Variants in ADORA2B observed in about 807,000 individuals in gnomAD.
ADORA2B encodes adenosine A2b receptor.
A neutral mutation model predicts 20.8 loss-of-function variants in ADORA2B; 18 were observed. The ratio of observed to expected loss-of-function variants is 0.87; its 90% confidence interval spans 0.60 to 1.29. The LOEUF (loss-of-function observed/expected upper bound fraction) is 1.29, where lower values mean the gene tolerates loss of function less well. Ranked by LOEUF, ADORA2B falls within the 50% of genes most tolerant of loss-of-function variation. The probability of loss-of-function intolerance (pLI) is 0.00; values close to 1 mark genes in which losing one functional copy is unlikely to be tolerated. For missense variants in ADORA2B, 441 were observed against 422.7 expected (o/e 1.04, Z -0.38); for synonymous variants, 179 against 178.3 (o/e 1.00, Z -0.03).
Position 15,948,717 on chromosome 17 carries a change from G to A in ADORA2B, c.335+3134G>A, listed in dbSNP as rs117360362. Reference sequence around the variant, plus strand: ...TGGATCCGGGAGGGTTTAGTTGGCCGAATGGGTCCAGTGCCGTGTATCTGA... The same window carrying A: ...TGGATCCGGGAGGGTTTAGTTGGCCAAATGGGTCCAGTGCCGTGTATCTGA... On this transcript the variant is annotated intron_variant, in intron 1 of 1. Transcript: ENST00000304222. Among the ~76,000 whole-genome samples, 1,465 of 152,210 alleles carry A rather than the reference G, an allele frequency of 9.6e-3. 14 individuals carry two copies. The highest frequency in any genetic ancestry group is 0.017 in the Middle Eastern group (5 of 294).
the ADORA2B span, among the ~76,000 whole-genome samples, chr17:15,879,631 G>A: frequency 2.0e-5 from 3 of 148,628 alleles, no homozygotes; most frequent in Non-Finnish European, 3.0e-5. Context: ...TCCGCCTCCT[G>A]GGTTCACGCC....
At chr17:15,967,325 T>C (rs1012267748) in intron 1 of ADORA2B, among the ~76,000 whole-genome samples, 3 of 151,850 alleles carry the variant, frequency 2.0e-5, no homozygotes, top group African/African-American at 7.3e-5. Flanking sequence ...CCCCGCCTCC[T>C]GGGTTCAAGT....
chr17:15,925,135 A>T, the ADORA2B span, among the ~76,000 whole-genome samples: 1 of 152,184 alleles, frequency 6.6e-6, no homozygotes, highest in Non-Finnish European at 1.5e-5. Flanking sequence ...TCCCGGGTTC[A>T]GGTGATTCTC....
chr17:15,897,304 A>G, the ADORA2B span, among the ~76,000 whole-genome samples: 2 of 152,214 alleles, frequency 1.3e-5, no homozygotes, highest in Admixed American at 6.5e-5. Flanking sequence ...GTGGTGGCTC[A>G]CACCTGTAAT....
At chr17:15,909,623 G>T in the ADORA2B span, among the ~76,000 whole-genome samples, 2 of 152,278 alleles carry the variant, frequency 1.3e-5, no homozygotes, top group South Asian at 4.2e-4. Flanking sequence ...ACACAGGCTT[G>T]TCCTCCACAG....
intron 1 of ADORA2B, among the ~76,000 whole-genome samples, chr17:15,962,837 C>A (rs1970058020): frequency 6.6e-6 from 1 of 152,174 alleles, no homozygotes; most frequent in South Asian, 2.1e-4. Flanking sequence ...TATTTTGATG[C>A]CCAAATTCAG....
chr17:15,942,127 G>A (rs905375130), upstream of ADORA2B, among the ~76,000 whole-genome samples: 15 of 152,114 alleles, frequency 9.9e-5, no homozygotes, highest in East Asian at 7.7e-4. Context: ...GGGTGCTATC[G>A]TTTGGAAATC....
the ADORA2B span, among the ~76,000 whole-genome samples, chr17:15,876,054 A>T: frequency 2.0e-5 from 3 of 151,958 alleles, no homozygotes; most frequent in Admixed American, 6.5e-5. Context: ...ATTCCCTGTT[A>T]GTTCTTTGCC....
chr17:15,875,253 G>A, the ADORA2B span, among the ~76,000 whole-genome samples: 2 of 151,296 alleles, frequency 1.3e-5, no homozygotes, highest in Admixed American at 6.6e-5. Flanking sequence ...CCATAGTCAA[G>A]CGTTTTCAAG....
At chr17:15,898,276 C>T in the ADORA2B span, among the ~76,000 whole-genome samples, 1 of 151,866 alleles carries the variant, frequency 6.6e-6, no homozygotes, top group Non-Finnish European at 1.5e-5. Flanking sequence ...GTAATATTTG[C>T]TTTTTATTTT....
intron 1 of ADORA2B, among the ~76,000 whole-genome samples, chr17:15,953,005 C>T (rs2151596436): frequency 6.6e-6 from 1 of 152,342 alleles, no homozygotes; most frequent in Middle Eastern, 3.4e-3. Flanking sequence ...CTGTCCCAGG[C>T]ACGGGCGGGC....
At position 15,972,359 on chromosome 17, in the gene ADORA2B, C is replaced by T. The variant is rs150731355; in HGVS notation, c.336-2320C>T. On this transcript the variant is annotated intron_variant, in intron 1 of 1. Transcript: ENST00000304222. ...CAGGTAATGTCAATCAAATTATTTC[C>T]CAGTTTTCTCTTCCAGAGATTACAG... 5.1e-3 allele frequency among the ~76,000 whole-genome samples: 773 copies of T among 152,244 alleles called. 9 individuals carry two copies. Among genetic ancestry groups the T allele is most frequent in the African/African-American group, 0.018 (727 of 41,534 alleles).
chr17:15,862,696 A>T, the ADORA2B span, among the ~76,000 whole-genome samples: 14 of 152,098 alleles, frequency 9.2e-5, no homozygotes, highest in African/African-American at 3.1e-4. Flanking sequence ...TGTGCAACAC[A>T]CATAACATTT....
At chr17:15,921,273 C>A in the ADORA2B span, among the ~76,000 whole-genome samples, 1 of 152,224 alleles carries the variant, frequency 6.6e-6, no homozygotes, top group Non-Finnish European at 1.5e-5. Flanking sequence ...AAGCAACAGG[C>A]GGCTTTTACT....
chr17:15,968,964 C>G (rs1326757569), intron 1 of ADORA2B, among the ~76,000 whole-genome samples: 1 of 152,176 alleles, frequency 6.6e-6, no homozygotes, highest in East Asian at 1.9e-4. Flanking sequence ...CAGCTGATAA[C>G]TTTCTCCATC....
chr17:15,966,620 T>C (rs528065352), intron 1 of ADORA2B, among the ~76,000 whole-genome samples: 1 of 152,348 alleles, frequency 6.6e-6, no homozygotes, highest in South Asian at 2.1e-4. Flanking sequence ...ATTCCCTCCG[T>C]GTGACTGTTT....
intron 1 of ADORA2B, among the ~76,000 whole-genome samples, chr17:15,951,852 G>T (rs947470854): frequency 3.9e-5 from 6 of 152,204 alleles, no homozygotes; most frequent in Admixed American, 2.0e-4. Flanking sequence ...AGGAGGCCGG[G>T]AAGGAGGGCC....
chr17:15,963,309 A>T (rs1445162804), intron 1 of ADORA2B, among the ~76,000 whole-genome samples: 2 of 152,336 alleles, frequency 1.3e-5, no homozygotes, highest in African/African-American at 4.8e-5. Flanking sequence ...GTCCCCAAAC[A>T]CGTACCACAA....
rs1214809284 is a variant in ADORA2B, at chr17:15,975,440, G to A, written c.*98G>A. On this transcript the variant is annotated 3_prime_UTR_variant, in exon 2 of 2. Coordinates refer to ENST00000304222, the MANE Select transcript of ADORA2B (RefSeq NM_000676.4). The stretch of plus-strand genomic sequence containing the variant: ...GTGAAAGATAGCTACACCTCACAAG[G>A]AAATGGACTGCCTCTCTTGAGCACT... 5 of 1,292,066 alleles carry A rather than the reference G, an allele frequency of 3.9e-6. No homozygotes were observed. In the African/African-American group the frequency reaches 4.4e-5, roughly 11 times the overall value. 80.0% of individuals were successfully genotyped at this position (1,292,066 alleles called of 1,614,324 possible). A position where few individuals can be genotyped will look rare whatever the true frequency, so the allele number is the denominator to read the frequency against.
Sources: gnomAD v4.1 joint callset for allele counts (sites outside exome capture counted in the v4.1 genomes callset) on GRCh38, gnomAD v4.1.1 for gene constraint, MANE v1.5 for transcripts, NCBI Gene and HGNC (gene_info 2026-07-23, HGNC 2026-07-21) for gene names.